The following ADAMTS20 variants were observed in gnomAD, a reference collection of about 807,000 sequenced individuals.
ADAMTS20 encodes ADAM metallopeptidase with thrombospondin type 1 motif 20.
Under a neutral mutation model 260.1 loss-of-function variants are expected in ADAMTS20, and 225 were observed. The ratio of observed to expected loss-of-function variants is 0.87; its 90% CI spans 0.78 to 0.97. The LOEUF (loss-of-function observed/expected upper bound fraction) is 0.97. Among genes scored for constraint, ADAMTS20 ranks in the 50% least tolerant of loss-of-function variants. The pLI is 0.00. For synonymous variants in ADAMTS20, 802 were observed against 769.5 expected (o/e 1.04, Z -0.70); for missense variants, 2,400 against 2,337.7 (o/e 1.03, Z -0.55).
chr12:43,435,633 T>A (rs1941536965), intron 18 of ADAMTS20, among the ~76,000 whole-genome samples: 1 of 115,724 alleles, frequency 8.6e-6, no homozygotes, highest in African/African-American at 3.5e-5. Flanking sequence ...AGAGTGAGAC[T>A]CCATTTCTAA....
chr12:43,496,807 A>T (rs565966288), intron 4 of ADAMTS20, among the ~76,000 whole-genome samples: 1 of 152,298 alleles, frequency 6.6e-6, no homozygotes, highest in Non-Finnish European at 1.5e-5. Flanking sequence ...ATAATTAGAT[A>T]TCTTCATGGA....
chr12:43,420,768 T>G (rs868042084), intron 28 of ADAMTS20, among the ~76,000 whole-genome samples: 1 of 146,230 alleles, frequency 6.8e-6, no homozygotes, highest in Admixed American at 7.1e-5. Flanking sequence ...TTTCTTCTTC[T>G]TCCTCTTCTT....
intron 2 of ADAMTS20, among the ~76,000 whole-genome samples, chr12:43,547,587 G>A (rs917316704): frequency 6.6e-6 from 1 of 152,126 alleles, no homozygotes; most frequent in Non-Finnish European, 1.5e-5. Flanking sequence ...ACAAAGAGAG[G>A]AACTGAATCC....
chr12:43,548,035 T>C (rs1052404115), intron 2 of ADAMTS20, among the ~76,000 whole-genome samples: 6 of 152,184 alleles, frequency 3.9e-5, no homozygotes, highest in African/African-American at 1.4e-4. Flanking sequence ...TCAGTTTCTA[T>C]CAATGGTCAA....
At chr12:43,411,860 T>A (rs906010902) in intron 28 of ADAMTS20, among the ~76,000 whole-genome samples, 3 of 152,180 alleles carry the variant, frequency 2.0e-5, no homozygotes, top group African/African-American at 7.2e-5. Flanking sequence ...CTATGTAAAA[T>A]TTTCAGAGCC....
intron 28 of ADAMTS20, among the ~76,000 whole-genome samples, chr12:43,400,910 A>C (rs1940797512): frequency 6.6e-6 from 1 of 151,942 alleles, no homozygotes; most frequent in Non-Finnish European, 1.5e-5. Flanking sequence ...ATTACTGTGA[A>C]TAGTCATGCA....
At chr12:43,404,178 GAC>G (rs3031172) in intron 28 of ADAMTS20, among the ~76,000 whole-genome samples, 23,508 of 145,812 alleles carry the variant, frequency 0.16, 1,846 homozygotes, top group South Asian at 0.26. Flanking sequence ...ATATTGTGGG[GAC>G]ACACACACAC....
At chr12:43,471,230 C>T (rs1006243350) in intron 7 of ADAMTS20, among the ~76,000 whole-genome samples, 33 of 152,250 alleles carry the variant, frequency 2.2e-4, no homozygotes, top group Middle Eastern at 3.4e-3. Flanking sequence ...GTGACGGACG[C>T]ACCTGGAAAA....
In ADAMTS20 at chr12:43,465,901, A is replaced by G. The variant is rs572352218; in HGVS notation, c.1367+751T>C. Among the ~76,000 whole-genome samples, 5 of 152,188 alleles carry G rather than the reference A, an allele frequency of 3.3e-5. 1 individual carries two copies. The highest frequency in any genetic ancestry group is 1.2e-4 in the African/African-American group (5 of 41,574). On this transcript the variant is annotated intron_variant, in intron 9 of 38. Coordinates refer to ENST00000389420, the MANE Select transcript of ADAMTS20 (RefSeq NM_025003.5). ...TTATTTTTCCCCATAGGTTTCATAA[A>G]GAGGGAATTAGAAAATAACTGATGA...
chr12:43,420,797 C>CTTCTTTTTTTTT (rs1941213817), intron 28 of ADAMTS20, among the ~76,000 whole-genome samples: 1 of 77,436 alleles, frequency 1.3e-5, no homozygotes, highest in African/African-American at 5.4e-5. Flanking sequence ...CCTCCTCCTC[C>CTTCTTTTTTTTT]TTCTTTTTTT....
intron 9 of ADAMTS20, 145 bp downstream of exon 9, chr12:43,466,507 G>A (rs947733392): frequency 1.6e-6 from 1 of 640,942 alleles, no homozygotes; most frequent in Non-Finnish European, 2.6e-6. Context: ...AACTCTTCTT[G>A]TTCTTAAACA....
rs74575868 is a variant in ADAMTS20 at position 43,366,102 on chromosome 12, G to C, written c.5538+3188C>G. Among the ~76,000 whole-genome samples, 955 of 151,828 alleles carry C rather than the reference G, an allele frequency of 6.3e-3. 16 individuals are homozygous for C. The highest frequency in any genetic ancestry group is 0.02 in the Middle Eastern group (6 of 294). On this transcript the variant is annotated intron_variant, in intron 37 of 38. Coordinates refer to ENST00000389420, the MANE Select transcript of ADAMTS20 (RefSeq NM_025003.5). ...TAATCCAACAAAATACTCTATAAGA[G>C]ACATTCTTAAGAGCCAAAGATATAA...
chr12:43,364,978 A>C (rs771148319), intron 37 of ADAMTS20, among the ~76,000 whole-genome samples: 25 of 152,126 alleles, frequency 1.6e-4, no homozygotes, highest in Non-Finnish European at 2.5e-4. Context: ...AAAGACATTG[A>C]AAGACAAATG....
intron 27 of ADAMTS20, among the ~76,000 whole-genome samples, chr12:43,426,882 A>G (rs1941343288): frequency 6.6e-6 from 1 of 152,220 alleles, no homozygotes; most frequent in East Asian, 1.9e-4. Flanking sequence ...AGTGACCTAA[A>G]CCATGACAGA....
chr12:43,447,447 T>G (rs1031049994), intron 14 of ADAMTS20, among the ~76,000 whole-genome samples: 1 of 152,126 alleles, frequency 6.6e-6, no homozygotes, highest in African/African-American at 2.4e-5. Flanking sequence ...CAACACTCCT[T>G]CATGTTAAGA....
chr12:43,468,213 T>C (rs1033368292), intron 8 of ADAMTS20, among the ~76,000 whole-genome samples: 7 of 152,252 alleles, frequency 4.6e-5, no homozygotes, highest in African/African-American at 1.7e-4. Context: ...GAGCAAGAAA[T>C]GAGTTGGTAT....
intron 28 of ADAMTS20, among the ~76,000 whole-genome samples, chr12:43,412,224 A>G (rs1306009207): frequency 6.6e-6 from 1 of 152,212 alleles, no homozygotes; most frequent in African/African-American, 2.4e-5. Context: ...TTTACATTAC[A>G]AAGCTTCAAA....
At chr12:43,467,641 G>A (rs764545427) in intron 8 of ADAMTS20, among the ~76,000 whole-genome samples, 1 of 151,976 alleles carries the variant, frequency 6.6e-6, no homozygotes, top group Non-Finnish European at 1.5e-5. Context: ...CCACCCAGAT[G>A]TTGCCGCAAT....
intron 14 of ADAMTS20, 146 bp from the exon 15 acceptor site, chr12:43,446,858 A>G (rs76901869): frequency 0.032 from 20,643 of 652,316 alleles, 465 homozygotes; most frequent in East Asian, 0.082. Flanking sequence ...GGCTACTATG[A>G]ACACCTCTAT....
Sources: gnomAD v4.1 joint callset for allele counts (sites outside exome capture counted in the v4.1 genomes callset) on GRCh38, gnomAD v4.1.1 for gene constraint, MANE v1.5 for transcripts, NCBI Gene and HGNC (gene_info 2026-07-23, HGNC 2026-07-21) for gene names.